The following AKAP13 variants were observed in gnomAD, a reference collection of about 807,000 sequenced individuals.
AKAP13 encodes the protein A-kinase anchor protein 13.
A neutral mutation model predicts 264.5 loss-of-function variants in AKAP13; 80 were observed. That is an observed-to-expected ratio of 0.30 (90% CI 0.25 to 0.36). The LOEUF (loss-of-function observed/expected upper bound fraction) is 0.36. Ranked by LOEUF, AKAP13 falls within the 10% of genes least tolerant of loss-of-function variation. The pLI, the probability that AKAP13 is intolerant of heterozygous loss-of-function variation, is 1.00. For missense variants in AKAP13, 3,712 were observed against 3,435.2 expected, an observed-to-expected ratio of 1.08 and a Z score of -2.01; for synonymous variants, 1,380 against 1,250.2, an observed-to-expected ratio of 1.10 and a Z score of -2.19.
intron 9 of AKAP13, among the ~76,000 whole-genome samples, chr15:85,642,404 A>C (rs1374976567): frequency 1.3e-5 from 2 of 152,252 alleles, no homozygotes; most frequent in African/African-American, 2.4e-5. Context: ...TCTTGTTTAC[A>C]CTTAGATATG....
intron 1 of AKAP13, among the ~76,000 whole-genome samples, chr15:85,392,304 G>A (rs1232212968): frequency 7.2e-6 from 1 of 139,780 alleles, no homozygotes; most frequent in Non-Finnish European, 1.5e-5. Context: ...GCCAAGGCTG[G>A]AGTGCAGTGG....
chr15:85,386,697 G>A (rs2070580340), intron 1 of AKAP13, among the ~76,000 whole-genome samples: 2 of 151,070 alleles, frequency 1.3e-5, no homozygotes, highest in East Asian at 1.9e-4. Context: ...TTTTGTGGAT[G>A]GATTTACAAT....
chr15:85,499,684 G>C (rs954776228), intron 2 of AKAP13, among the ~76,000 whole-genome samples: 1 of 151,142 alleles, frequency 6.6e-6, no homozygotes, highest in African/African-American at 2.4e-5. Flanking sequence ...CATGCATAAA[G>C]AAAAACACTT....
intron 14 of AKAP13, among the ~76,000 whole-genome samples, chr15:85,677,421 A>T (rs542893972): frequency 6.6e-6 from 1 of 152,160 alleles, no homozygotes; most frequent in Admixed American, 6.5e-5. Flanking sequence ...ACTGTATGCT[A>T]ATTTCACAAA....
At chr15:85,403,175 A>G (rs1053155281) in intron 1 of AKAP13, among the ~76,000 whole-genome samples, 1 of 152,212 alleles carries the variant, frequency 6.6e-6, no homozygotes, top group Non-Finnish European at 1.5e-5. Context: ...ATGGTTGGAA[A>G]TTATTCCTAA....
In AKAP13 at chr15:85,505,094, C is replaced by G. The variant is rs147503055; in HGVS notation, c.34-16334C>G. ...GAAACAAGAAGAACTTACACTCTTACAATTTTTCAACACTCTCTTCCTTTT... is the reference window on the plus strand; with the variant it reads ...GAAACAAGAAGAACTTACACTCTTAGAATTTTTCAACACTCTCTTCCTTTT... On this transcript the variant is annotated intron_variant, in intron 2 of 36. Transcript: ENST00000394518. Among the ~76,000 whole-genome samples, 63 of 152,330 alleles carry G rather than the reference C, an allele frequency of 4.1e-4. 1 individual carries two copies. Among genetic ancestry groups the G allele is most frequent in the African/African-American group, 1.4e-3 (57 of 41,576 alleles).
intron 1 of AKAP13, among the ~76,000 whole-genome samples, chr15:85,438,668 T>C (rs1316950769): frequency 4.7e-5 from 7 of 150,510 alleles, no homozygotes; most frequent in African/African-American, 1.7e-4. Flanking sequence ...ACGCCGCATA[T>C]ATACAACTAT....
At chr15:85,722,153 G>A (rs1302557756) in intron 24 of AKAP13, 37 bp downstream of exon 24, 1 of 1,612,738 alleles carries the variant, frequency 6.2e-7, no homozygotes, top group East Asian at 2.2e-5. Flanking sequence ...CGTTATTGTT[G>A]AGAGCCATGT....
intron 14 of AKAP13, among the ~76,000 whole-genome samples, chr15:85,671,144 A>G (rs917167892): frequency 7.9e-5 from 12 of 152,026 alleles, no homozygotes; most frequent in Admixed American, 7.9e-4. Context: ...GGGTTTCCTC[A>G]TTGTTCCCTG....
At chr15:85,567,233 G>A (rs1470980014) in intron 5 of AKAP13, among the ~76,000 whole-genome samples, 3 of 151,812 alleles carry the variant, frequency 2.0e-5, no homozygotes, top group Non-Finnish European at 4.4e-5. Flanking sequence ...TCAGCCTCCC[G>A]AGTAGCTGGG....
intron 5 of AKAP13, among the ~76,000 whole-genome samples, chr15:85,565,499 C>A (rs2078574000): frequency 6.6e-6 from 1 of 152,152 alleles, no homozygotes; most frequent in African/African-American, 2.4e-5. Context: ...ATTTTAGATA[C>A]CCAGCCATAG....
At chr15:85,468,278 C>G (rs1441518161) in intron 1 of AKAP13, among the ~76,000 whole-genome samples, 4 of 152,144 alleles carry the variant, frequency 2.6e-5, no homozygotes, top group Non-Finnish European at 5.9e-5. Flanking sequence ...GTTGATGCCC[C>G]TTTTAGACGG....
At chr15:85,744,244 A>G (rs2151794562) in intron 36 of AKAP13, 1 of 303,268 alleles carries the variant, frequency 3.3e-6, no homozygotes, top group Middle Eastern at 1.1e-3. Context: ...ACAGAGGCTA[A>G]CTAATGTGCC....
Position 85,580,211 on chromosome 15 carries a change from C to T in AKAP13, c.2143C>T (p.His715Tyr). 1 of 1,614,230 alleles carries T rather than the reference C, an allele frequency of 6.2e-7. No individual in the cohort carries two copies. Among genetic ancestry groups the T allele is most frequent in the Non-Finnish European group, 8.5e-7 (1 of 1,180,040 alleles). Residue 715 changes from histidine (H) to tyrosine (Y), a missense_variant, in exon 7 of 37, where the codon CAT (histidine) becomes TAT (tyrosine). Physicochemically the swap from His to Tyr is moderately conservative, Grantham distance 83. Coordinates refer to ENST00000394518, the MANE Select transcript of AKAP13 (RefSeq NM_007200.5). ...DASHCEDPQAHTVTSDPVRDT... is the reference protein window; with the variant it reads ...DASHCEDPQAYTVTSDPVRDT... ...CTCCCACTGTGAAGACCCACAGGCTCATACAGTCACCTCTGACCCTGTAAG... is the reference window on the plus strand; with the variant it reads ...CTCCCACTGTGAAGACCCACAGGCTTATACAGTCACCTCTGACCCTGTAAG...
Position 85,423,954 on chromosome 15 carries a change from T to C in AKAP13, c.-12+43156T>C, listed in dbSNP as rs1350736298. ...TGCATTGTGAGTGAGCAGGAGTCTT[T>C]TTTTTCTGGGCAGTAGGTCACAACA... is the stretch of plus-strand genomic sequence containing the variant. On this transcript the variant is annotated intron_variant, in intron 1 of 36. Transcript: ENST00000394518. Among the ~76,000 whole-genome samples the C allele has an allele frequency of 2.0e-5, 3 of 152,190 alleles. No homozygotes were observed. The East Asian group carries it at 5.8e-4, about 29-fold the overall frequency.
chr15:85,648,454 C>T (rs768551232), intron 10 of AKAP13, among the ~76,000 whole-genome samples: 19 of 151,856 alleles, frequency 1.3e-4, no homozygotes, highest in Non-Finnish European at 2.1e-4. Context: ...TATATTTCGC[C>T]GTCTTATTTT....
At chr15:85,575,026 C>A in intron 5 of AKAP13, 105 bp from the exon 6 acceptor site, 1 of 1,118,892 alleles carries the variant, frequency 8.9e-7, no homozygotes, top group Non-Finnish European at 1.3e-6. Context: ...TGCTGTTGAA[C>A]CTCAAAGAAC....
intron 8 of AKAP13, among the ~76,000 whole-genome samples, chr15:85,602,358 T>C (rs375232398): frequency 6.6e-6 from 1 of 152,080 alleles, no homozygotes; most frequent in East Asian, 1.9e-4. Context: ...GTATTTTTAA[T>C]AGAGATGGGG....
At chr15:85,464,904 T>A (rs1161573545) in intron 1 of AKAP13, among the ~76,000 whole-genome samples, 1 of 152,176 alleles carries the variant, frequency 6.6e-6, no homozygotes, top group Non-Finnish European at 1.5e-5. Flanking sequence ...CTCCTAAACC[T>A]GCTTGTAATT....
Sources: gnomAD v4.1 joint callset for allele counts (sites outside exome capture counted in the v4.1 genomes callset) on GRCh38, gnomAD v4.1.1 for gene constraint, MANE v1.5 for transcripts, NCBI Gene and HGNC (gene_info 2026-07-23, HGNC 2026-07-21) for gene names.